Variants in DMD observed in about 807,000 individuals in gnomAD.
DMD encodes the protein mutant dystrophin.
A neutral mutation model predicts 330.1 loss-of-function variants in DMD; 63 were observed. The ratio of observed to expected loss-of-function variants is 0.19; its 90% CI spans 0.16 to 0.24. The LOEUF is 0.24. DMD is among the 10% of genes least tolerant of loss of function. The pLI is 1.00. For synonymous variants in DMD, 1,223 were observed against 959.8 expected (o/e 1.27, Z -5.07); for missense variants, 3,344 against 2,684.1 (o/e 1.25, Z -5.43).
intron 1 of DMD, among the ~76,000 whole-genome samples, chrX:33,319,357 G>C (rs1431688535): frequency 9.0e-6 from 1 of 111,463 alleles, no homozygotes; most frequent in Non-Finnish European, 1.9e-5. Flanking sequence ...AATCAGAGAA[G>C]GGAGGGGTGG....
intron 26 of DMD, among the ~76,000 whole-genome samples, chrX:32,454,365 C>T (rs1161510791): frequency 9.0e-6 from 1 of 111,037 alleles, no homozygotes; most frequent in African/African-American, 3.3e-5. Flanking sequence ...CAGCTACAGA[C>T]AGTTAATGAA....
chrX:32,710,484 A>T (rs1353144473), intron 7 of DMD, among the ~76,000 whole-genome samples: 1 of 111,426 alleles, frequency 9.0e-6, no homozygotes, highest in Non-Finnish European at 1.9e-5. Context: ...ATTAGAGAGC[A>T]TTAGCAGGTT....
intron 19 of DMD, among the ~76,000 whole-genome samples, 187 bp downstream of exon 19, chrX:32,501,568 C>A (rs931659407): frequency 5.4e-5 from 6 of 111,387 alleles, no homozygotes; most frequent in South Asian, 3.8e-4. Flanking sequence ...TTCCAATGAA[C>A]TCAAAGTTGA....
At chrX:31,962,925 C>T (rs1365846598) in intron 45 of DMD, among the ~76,000 whole-genome samples, 1 of 111,790 alleles carries the variant, frequency 8.9e-6, no homozygotes, top group African/African-American at 3.3e-5. Flanking sequence ...GTACATTTAA[C>T]ATATTGCACA....
chrX:32,602,436 A>G (rs1429119273), intron 12 of DMD, among the ~76,000 whole-genome samples: 1 of 111,965 alleles, frequency 8.9e-6, no homozygotes, highest in Non-Finnish European at 1.9e-5. Flanking sequence ...AAAGAAGATT[A>G]TTGGGAGAGA....
intron 55 of DMD, among the ~76,000 whole-genome samples, chrX:31,623,370 T>C (rs1264245625): frequency 2.7e-5 from 3 of 111,152 alleles, no homozygotes; most frequent in Non-Finnish European, 5.7e-5. Flanking sequence ...TTCAAGCAAT[T>C]CTCCTGCCTC....
At chrX:32,081,576 C>T (rs910381061) in intron 44 of DMD, among the ~76,000 whole-genome samples, 2 of 111,576 alleles carry the variant, frequency 1.8e-5, no homozygotes, top group South Asian at 3.8e-4. Flanking sequence ...AGAGTCTGGC[C>T]GGGCGTAGTG....
At chrX:31,245,491 C>T (rs1202550220) in intron 63 of DMD, among the ~76,000 whole-genome samples, 1 of 111,824 alleles carries the variant, frequency 8.9e-6, no homozygotes, top group Non-Finnish European at 1.9e-5. Context: ...ACAGGCTCAT[C>T]TCATTAAATT....
intron 5 of DMD, among the ~76,000 whole-genome samples, chrX:32,820,114 T>C (rs1327786554): frequency 8.9e-6 from 1 of 112,080 alleles, no homozygotes; most frequent in Non-Finnish European, 1.9e-5. Flanking sequence ...CCTTCTGATA[T>C]TCCTCATTGC....
chrX:31,617,065 A>T (rs1026380318), intron 55 of DMD, among the ~76,000 whole-genome samples: 2 of 112,104 alleles, frequency 1.8e-5, no homozygotes, highest in South Asian at 7.4e-4. Flanking sequence ...TCCTACATAC[A>T]GTAAGAAATG....
intron 48 of DMD, among the ~76,000 whole-genome samples, chrX:31,857,132 A>G (rs1340240364): frequency 9.0e-6 from 1 of 110,562 alleles, no homozygotes; most frequent in Non-Finnish European, 1.9e-5. Context: ...TAATCCCAGC[A>G]CTTTCGGATG....
rs771951084 is a variant in DMD at position 32,379,133 on chromosome X, GT to G, written c.4845+1376del. ...TAGAGTATGTCATTAACAGCTTAGTGTTTGAAAAGATCTAGATAGAGTGATA... is the reference window on the plus strand; with the variant it reads ...TAGAGTATGTCATTAACAGCTTAGTGTTGAAAAGATCTAGATAGAGTGATA... On this transcript the variant is annotated intron_variant, in intron 34 of 78. Coordinates refer to ENST00000357033, the MANE Select transcript of DMD (RefSeq NM_004006.3). Among the ~76,000 whole-genome samples the G allele has an allele frequency of 3.7e-5, 4 of 108,889 alleles. No homozygotes were observed. In the East Asian group the frequency reaches 1.1e-3, roughly 31 times the overall value. 94.6% of individuals were successfully genotyped at this position (108,889 alleles called of 115,157 possible). A position where few individuals can be genotyped will look rare whatever the true frequency, so the allele number is the denominator to read the frequency against.
intron 47 of DMD, among the ~76,000 whole-genome samples, chrX:31,923,594 C>CTTTT (rs746084752): frequency 1.3e-5 from 1 of 76,224 alleles, no homozygotes; most frequent in African/African-American, 6.0e-5. Flanking sequence ...GGTGAACACC[C>CTTTT]TTTTTTTTTT....
chrX:31,504,109 A>T (rs1475293207), intron 56 of DMD, among the ~76,000 whole-genome samples: 1 of 111,492 alleles, frequency 9.0e-6, no homozygotes, highest in Non-Finnish European at 1.9e-5. Context: ...GAGACCTACA[A>T]GATTGAAGCT....
intron 43 of DMD, among the ~76,000 whole-genome samples, chrX:32,252,574 A>C (rs2097267824): frequency 1.7e-5 from 1 of 58,193 alleles, no homozygotes; most frequent in Non-Finnish European, 2.9e-5. Context: ...GCTCACTGAT[A>C]TATAGTGCCA....
intron 9 of DMD, among the ~76,000 whole-genome samples, chrX:32,655,412 C>G (rs990285916): frequency 8.9e-5 from 10 of 112,096 alleles, no homozygotes; most frequent in Non-Finnish European, 1.1e-4. Flanking sequence ...AGTCATTCAG[C>G]AGCAGGTTGT....
At chrX:32,716,120 A>G (rs1478008831) in intron 7 of DMD, among the ~76,000 whole-genome samples, 10 of 111,709 alleles carry the variant, frequency 9.0e-5, no homozygotes, top group African/African-American at 3.3e-4. Context: ...AACAGCGTCA[A>G]TACAGAGGAG....
In DMD at chrX:33,294,609, T is replaced by C. The variant is rs147103897; in HGVS notation, c.7+44650A>G. On this transcript the variant is annotated intron_variant, in intron 1 of 17. Transcript: ENST00000288447. ...TCTTATATTTATTAAGTTTAATATA[T>C]TTGATACTAGGTAGTAAAATGTTTA... 6.7e-3 allele frequency among the ~76,000 whole-genome samples: 740 copies of C among 110,487 alleles called. 5 individuals are homozygous for C. The highest frequency in any genetic ancestry group is 0.024 in the African/African-American group (722 of 30,526).
intron 16 of DMD, among the ~76,000 whole-genome samples, chrX:32,557,175 T>C (rs1196206570): frequency 1.8e-5 from 2 of 111,605 alleles, no homozygotes; most frequent in African/African-American, 3.3e-5. Flanking sequence ...TAAAACTTTT[T>C]AGTAGCAAAG....
Sources: gnomAD v4.1 joint callset for allele counts (sites outside exome capture counted in the v4.1 genomes callset) on GRCh38, gnomAD v4.1.1 for gene constraint, MANE v1.5 for transcripts, NCBI Gene and HGNC (gene_info 2026-07-23, HGNC 2026-07-21) for gene names.